The following LRRC1 variants were observed in gnomAD, a reference collection of about 807,000 sequenced individuals.
LRRC1 encodes the protein leucine rich repeat containing 1, also known as leucine-rich repeat-containing protein 1.
LRRC1 carries 28 observed loss-of-function variants against 69.9 expected under a neutral mutation model. The observed-to-expected ratio is 0.40, with a 90% CI of 0.30 to 0.55. The LOEUF is 0.55. Among genes scored for constraint, LRRC1 ranks in the 20% least tolerant of loss-of-function variants. The probability of loss-of-function intolerance (pLI) is 0.47; values close to 1 mark genes in which losing one functional copy is unlikely to be tolerated. For missense variants in LRRC1, 498 were observed against 609.0 expected (o/e 0.82, Z 1.92); for synonymous variants, 236 against 240.2 (o/e 0.98, Z 0.16).
intron 2 of LRRC1, among the ~76,000 whole-genome samples, chr6:53,861,495 C>A (rs1456776325): frequency 6.7e-6 from 1 of 150,370 alleles, no homozygotes; most frequent in South Asian, 2.1e-4. Flanking sequence ...CTGAATCAGT[C>A]GCTGGGAGTG....
Position 53,862,325 on chromosome 6 carries a change from G to A in LRRC1, c.278-16668G>A, listed in dbSNP as rs1025010492. Reference sequence around the variant, plus strand: ...TGTGTGTGTGTGTGTGTGTGTGTGTGTATGTTTATGTATATAGTTTTGGAA... The same window carrying A: ...TGTGTGTGTGTGTGTGTGTGTGTGTATATGTTTATGTATATAGTTTTGGAA... On this transcript the variant is annotated intron_variant, in intron 2 of 13. Transcript: ENST00000370888. 1.0e-4 allele frequency among the ~76,000 whole-genome samples: 13 copies of A among 130,466 alleles called. No individual in the cohort carries two copies. In the Admixed American group the frequency reaches 1.0e-3, roughly 10 times the overall value. 85.6% of individuals were successfully genotyped at this position (130,466 alleles called of 152,430 possible). A position where few individuals can be genotyped will look rare whatever the true frequency, so the allele number is the denominator to read the frequency against.
At chr6:53,835,552 T>A (rs1765590390) in intron 1 of LRRC1, among the ~76,000 whole-genome samples, 2 of 152,228 alleles carry the variant, frequency 1.3e-5, no homozygotes, top group African/African-American at 4.8e-5. Flanking sequence ...TATGAGTGTT[T>A]GCTAAAACCC....
intron 1 of LRRC1, among the ~76,000 whole-genome samples, chr6:53,840,884 TTGTGTGTGTG>T (rs57491487): frequency 0.017 from 2,146 of 125,276 alleles, 37 homozygotes; most frequent in East Asian, 0.094. Flanking sequence ...GGGTATGTGT[TTGTGTGTGTG>T]TGTGTGTGTG....
chr6:53,805,499 C>T (rs544265149), intron 1 of LRRC1, among the ~76,000 whole-genome samples: 3 of 152,074 alleles, frequency 2.0e-5, no homozygotes, highest in Admixed American at 2.0e-4. Flanking sequence ...ACTGAAGTCT[C>T]CACTCAGGCC....
intron 2 of LRRC1, among the ~76,000 whole-genome samples, chr6:53,876,826 C>G (rs1767084463): frequency 6.6e-6 from 1 of 152,196 alleles, no homozygotes; most frequent in South Asian, 2.1e-4. Flanking sequence ...CTTTCACGGG[C>G]TGGCCTTGAC....
chr6:53,905,701 C>T (rs922795983), intron 10 of LRRC1, among the ~76,000 whole-genome samples: 1 of 152,202 alleles, frequency 6.6e-6, no homozygotes, highest in African/African-American at 2.4e-5. Context: ...CTTTCCTCAT[C>T]TTGGTGTTCG....
At chr6:53,906,849 GT>G (rs1768256783) in intron 10 of LRRC1, among the ~76,000 whole-genome samples, 1 of 152,240 alleles carries the variant, frequency 6.6e-6, no homozygotes, top group East Asian at 1.9e-4. Flanking sequence ...AGCAGAGAAT[GT>G]TTAGGTTTTT....
Position 53,883,866 on chromosome 6 carries a change from A to G in LRRC1, c.446+890A>G, listed in dbSNP as rs141064563. ...AGTAAGCAGTTGAGCACAGTCTGAC[A>G]TGTCTGTTTTGCAAAAGTTCTCTTT... On this transcript the variant is annotated intron_variant, in intron 4 of 13. Coordinates refer to ENST00000370888, the MANE Select transcript of LRRC1 (RefSeq NM_018214.5). 156 of 715,404 alleles carry G rather than the reference A, an allele frequency of 2.2e-4. No individual in the cohort carries two copies. The African/African-American group carries it at 2.4e-3, about 11-fold the overall frequency. The allele number at this position is 715,404 out of a possible 1,614,324, so 44.3% of individuals were successfully genotyped here.
At chr6:53,904,660 A>G in intron 10 of LRRC1, 198 bp downstream of exon 10, 1 of 344,230 alleles carries the variant, frequency 2.9e-6, no homozygotes, top group Non-Finnish European at 5.3e-6. Context: ...GAGAGTTGGA[A>G]AAGGTGAATT....
intron 4 of LRRC1, among the ~76,000 whole-genome samples, chr6:53,890,208 A>G (rs980854992): frequency 1.3e-5 from 2 of 151,926 alleles, no homozygotes; most frequent in African/African-American, 4.8e-5. Flanking sequence ...AAATATCTCT[A>G]CTCCCTGTTT....
At chr6:53,855,736 G>A (rs1766289735) in intron 2 of LRRC1, among the ~76,000 whole-genome samples, 1 of 152,164 alleles carries the variant, frequency 6.6e-6, no homozygotes, top group Non-Finnish European at 1.5e-5. Context: ...CAATCACAGG[G>A]AGCACCTTTG....
chr6:53,912,557 T>C (rs1056551256), intron 10 of LRRC1, among the ~76,000 whole-genome samples: 24 of 152,192 alleles, frequency 1.6e-4, no homozygotes, highest in African/African-American at 5.5e-4. Flanking sequence ...CATTTACTTA[T>C]ATATTTATTT....
intron 1 of LRRC1, among the ~76,000 whole-genome samples, chr6:53,828,351 C>T (rs1272836787): frequency 1.3e-5 from 2 of 152,204 alleles, no homozygotes; most frequent in Non-Finnish European, 2.9e-5. Context: ...CCTGGGAGCC[C>T]TGTCACAGGG....
At chr6:53,803,393 A>G (rs911530162) in intron 1 of LRRC1, among the ~76,000 whole-genome samples, 1 of 152,186 alleles carries the variant, frequency 6.6e-6, no homozygotes, top group Non-Finnish European at 1.5e-5. Context: ...ATTCAGGGCT[A>G]GAAATGTTTG....
At chr6:53,829,477 A>G (rs1261001167) in intron 1 of LRRC1, among the ~76,000 whole-genome samples, 2 of 152,176 alleles carry the variant, frequency 1.3e-5, no homozygotes, top group African/African-American at 4.8e-5. Flanking sequence ...ACTCACGCAT[A>G]TGAGATGTTC....
At chr6:53,822,907 A>G (rs1010407503) in intron 1 of LRRC1, among the ~76,000 whole-genome samples, 2 of 152,190 alleles carry the variant, frequency 1.3e-5, no homozygotes, top group Non-Finnish European at 2.9e-5. Context: ...TTAAGGTGTA[A>G]GCCCTCCCGC....
At chr6:53,815,329 G>A (rs917464291) in intron 1 of LRRC1, among the ~76,000 whole-genome samples, 2 of 152,140 alleles carry the variant, frequency 1.3e-5, no homozygotes, top group Non-Finnish European at 2.9e-5. Flanking sequence ...TCATCTCCGA[G>A]CCTCATTTTT....
At chr6:53,813,460 C>T (rs1403685555) in intron 1 of LRRC1, among the ~76,000 whole-genome samples, 1 of 151,668 alleles carries the variant, frequency 6.6e-6, no homozygotes, top group Admixed American at 6.6e-5. Context: ...GTGCATGCCC[C>T]CTCTACAGAG....
At position 53,795,143 on chromosome 6, in the gene LRRC1, A is replaced by C; in HGVS notation, c.-114A>C. On this transcript the variant is annotated 5_prime_UTR_variant, in exon 1 of 14. Transcript: ENST00000370888. ...GGCGCGAGAAGCGAGCTAACCCAAG[A>C]GCCAACAACGAGCGCGGAGAGGGCA... 2 of 933,440 alleles carry C rather than the reference A, an allele frequency of 2.1e-6. No homozygotes were observed. The allele number at this position is 933,440 out of a possible 1,614,324, so 57.8% of individuals were successfully genotyped here. A position where few individuals can be genotyped will look rare whatever the true frequency, so the allele number is the denominator to read the frequency against.
Sources: gnomAD v4.1 joint callset for allele counts (sites outside exome capture counted in the v4.1 genomes callset) on GRCh38, gnomAD v4.1.1 for gene constraint, MANE v1.5 for transcripts, NCBI Gene and HGNC (gene_info 2026-07-23, HGNC 2026-07-21) for gene names.